The following AGBL4 variants were observed in gnomAD, a reference collection of about 807,000 sequenced individuals.
The protein encoded by AGBL4 is AGBL carboxypeptidase 4.
In AGBL4, 58 loss-of-function variants were observed where a neutral mutation model predicts 66.4. That is an observed-to-expected ratio of 0.87 (90% CI 0.71 to 1.09). AGBL4 has a LOEUF of 1.09. Ranked by LOEUF, AGBL4 falls within the 50% of genes least tolerant of loss-of-function variation. AGBL4 has a pLI of 0.00. For synonymous variants in AGBL4, 234 were observed against 222.9 expected (o/e 1.05, Z -0.44); for missense variants, 579 against 631.0 (o/e 0.92, Z 0.88).
intron 6 of AGBL4, among the ~76,000 whole-genome samples, chr1:48,746,293 G>A (rs903111221): frequency 1.3e-5 from 2 of 151,986 alleles, no homozygotes; most frequent in Admixed American, 6.6e-5. Context: ...ACACTTGTGC[G>A]CTTAAGTTCG....
Position 49,476,859 on chromosome 1 carries a change from G to C in AGBL4, c.282+220454C>G, listed in dbSNP as rs1029489210. Reference sequence around the variant, plus strand: ...ACACTGAAAGGTGAATCCCAGGCATGGCAGCATTCACCACAAGCTGACTGA... The same window carrying C: ...ACACTGAAAGGTGAATCCCAGGCATCGCAGCATTCACCACAAGCTGACTGA... On this transcript the variant is annotated intron_variant, in intron 3 of 13. Coordinates refer to ENST00000371839, the MANE Select transcript of AGBL4 (RefSeq NM_032785.4). Among the ~76,000 whole-genome samples the C allele has an allele frequency of 2.6e-5, 4 of 152,138 alleles. No individual in the cohort carries two copies. In the East Asian group the frequency reaches 7.8e-4, roughly 29 times the overall value.
At chr1:48,762,033 T>C (rs1446158547) in intron 6 of AGBL4, among the ~76,000 whole-genome samples, 3 of 152,178 alleles carry the variant, frequency 2.0e-5, no homozygotes, top group African/African-American at 7.2e-5. Flanking sequence ...ATCCCCTTTT[T>C]ACTGGTATCA....
chr1:48,856,288 A>G (rs1238110593), intron 6 of AGBL4, among the ~76,000 whole-genome samples: 1 of 152,226 alleles, frequency 6.6e-6, no homozygotes, highest in Non-Finnish European at 1.5e-5. Context: ...GTGAAAAAAG[A>G]TGTATATAAA....
chr1:49,755,607 C>CA (rs1324744503), intron 2 of AGBL4, among the ~76,000 whole-genome samples: 7 of 152,074 alleles, frequency 4.6e-5, no homozygotes. Flanking sequence ...CACACACACA[C>CA]AAAAAATCTC....
intron 3 of AGBL4, among the ~76,000 whole-genome samples, chr1:49,696,343 G>A (rs892339884): frequency 7.2e-5 from 11 of 151,892 alleles, no homozygotes; most frequent in South Asian, 4.2e-4. Context: ...AATAGGATTC[G>A]AAAGTATTAT....
intron 1 of AGBL4, among the ~76,000 whole-genome samples, chr1:49,946,505 A>G (rs963042964): frequency 6.6e-5 from 10 of 152,010 alleles, no homozygotes; most frequent in African/African-American, 1.9e-4. Context: ...AATTATTTAA[A>G]CTGAATGATG....
downstream of AGBL4, among the ~76,000 whole-genome samples, chr1:48,528,179 G>A (rs887080998): frequency 3.3e-5 from 5 of 152,234 alleles, no homozygotes; most frequent in Middle Eastern, 3.4e-3. Context: ...TAAAATTCAG[G>A]TCTATCTGAC....
intron 3 of AGBL4, among the ~76,000 whole-genome samples, chr1:49,333,304 C>A (rs1293314743): frequency 6.6e-6 from 1 of 152,112 alleles, no homozygotes; most frequent in Non-Finnish European, 1.5e-5. Context: ...ATGGTGAAAC[C>A]CTGTCTCTAT....
intron 2 of AGBL4, among the ~76,000 whole-genome samples, chr1:49,701,247 G>T (rs1174756300): frequency 6.6e-6 from 1 of 151,590 alleles, no homozygotes; most frequent in Non-Finnish European, 1.5e-5. Flanking sequence ...AGCCAAGATG[G>T]CGCCACTGCA....
intron 3 of AGBL4, among the ~76,000 whole-genome samples, chr1:49,362,892 T>A (rs1644170932): frequency 6.6e-6 from 1 of 152,166 alleles, no homozygotes; most frequent in South Asian, 2.1e-4. Context: ...TGTAGGATAA[T>A]CAAGTCTGAA....
chr1:48,701,941 T>C (rs7515307), intron 6 of AGBL4, among the ~76,000 whole-genome samples: 2,739 of 152,344 alleles, frequency 0.018, 80 homozygotes, highest in African/African-American at 0.062. Flanking sequence ...ATTGGTATAG[T>C]AGCTGACTAG....
chr1:49,648,808 G>T (rs1283065801), intron 3 of AGBL4, among the ~76,000 whole-genome samples: 2 of 151,274 alleles, frequency 1.3e-5, no homozygotes, highest in Non-Finnish European at 3.0e-5. Context: ...AAAAAAAAAA[G>T]GAATCTGTAG....
intron 2 of AGBL4, among the ~76,000 whole-genome samples, chr1:49,779,148 T>C (rs1269336562): frequency 6.6e-6 from 1 of 152,152 alleles, no homozygotes; most frequent in Non-Finnish European, 1.5e-5. Context: ...ATTAATGCTA[T>C]AAAATAGCAC....
intron 6 of AGBL4, among the ~76,000 whole-genome samples, chr1:48,865,350 T>C (rs929877221): frequency 6.6e-6 from 1 of 152,170 alleles, no homozygotes; most frequent in East Asian, 1.9e-4. Flanking sequence ...AGCTACCACC[T>C]AGGGGGCTTC....
chr1:49,380,266 A>G (rs972844592), intron 3 of AGBL4, among the ~76,000 whole-genome samples: 1 of 152,184 alleles, frequency 6.6e-6, no homozygotes, highest in African/African-American at 2.4e-5. Flanking sequence ...TTCAAAGAGA[A>G]TAAAATACCT....
chr1:49,560,412 T>C (rs1644009528), intron 3 of AGBL4, among the ~76,000 whole-genome samples: 1 of 152,092 alleles, frequency 6.6e-6, no homozygotes, highest in South Asian at 2.1e-4. Flanking sequence ...AGACAGGCTA[T>C]TTAAAATACA....
intron 5 of AGBL4, among the ~76,000 whole-genome samples, chr1:48,935,997 A>T: frequency 8.2e-6 from 1 of 121,628 alleles, no homozygotes; most frequent in Admixed American, 8.6e-5. Context: ...AAAAAAAAAG[A>T]TACAAGATGG....
intron 4 of AGBL4, among the ~76,000 whole-genome samples, chr1:49,163,632 G>A (rs760966583): frequency 7.2e-5 from 11 of 152,130 alleles, no homozygotes; most frequent in Admixed American, 2.0e-4. Flanking sequence ...CTCAATAAAC[G>A]TCTGTTGATG....
intron 5 of AGBL4, among the ~76,000 whole-genome samples, chr1:48,921,071 G>A (rs976403350): frequency 2.0e-5 from 3 of 152,184 alleles, no homozygotes; most frequent in Admixed American, 1.3e-4. Context: ...TTTAGCTGAT[G>A]TATTAGCCAT....
Sources: gnomAD v4.1 joint callset for allele counts (sites outside exome capture counted in the v4.1 genomes callset) on GRCh38, gnomAD v4.1.1 for gene constraint, MANE v1.5 for transcripts, NCBI Gene and HGNC (gene_info 2026-07-23, HGNC 2026-07-21) for gene names.